FPGT: variants seen among roughly 807,000 people sequenced by gnomAD.
The protein encoded by FPGT is fucose-1-phosphate guanylyltransferase, also known as GDP-L-fucose diphosphorylase.
FPGT carries 41 observed loss-of-function variants against 45.8 expected under a neutral mutation model. The observed-to-expected ratio is 0.90, with a 90% CI of 0.70 to 1.16. The LOEUF is 1.16. Among genes scored for constraint, FPGT ranks in the 50% most tolerant of loss-of-function variants. The pLI is 0.00. For missense variants in FPGT, 755 were observed against 689.1 expected, an observed-to-expected ratio of 1.10 and a Z score of -1.07; for synonymous variants, 292 against 247.2, an observed-to-expected ratio of 1.18 and a Z score of -1.70.
intron 2 of FPGT, among the ~76,000 whole-genome samples, chr1:74,200,123 T>C (rs1005058702): frequency 6.6e-6 from 1 of 152,200 alleles, no homozygotes; most frequent in African/African-American, 2.4e-5. Flanking sequence ...ACCTTATCAG[T>C]AGAACCCTTG....
Position 74,201,316 on chromosome 1 carries a change from A to G in FPGT, c.251-2A>G, listed in dbSNP as rs768234709. Reference sequence around the variant, plus strand: ...TTGTGCTTTTTTAACTTTGTTTTTAAGGAAATGGAGGATCAACACTTTGTG... The same window carrying G: ...TTGTGCTTTTTTAACTTTGTTTTTAGGGAAATGGAGGATCAACACTTTGTG... On this transcript the variant is annotated splice_acceptor_variant, in intron 2 of 3. Coordinates refer to ENST00000370898, the MANE Select transcript of FPGT (RefSeq NM_003838.5). LOFTEE classifies it high-confidence loss of function. 1.2e-6 allele frequency: 2 copies of G among 1,605,768 alleles called. No individual in the cohort carries two copies. The highest frequency in any genetic ancestry group is 1.7e-5 in the Admixed American group (1 of 57,642).
Position 74,205,025 on chromosome 1 carries a change from A to G in FPGT, c.978A>G (p.Glu326=). The change falls in exon 4 of 4, where the codon GAA becomes GAG. Residue 326 remains glutamate (E), a synonymous_variant. Coordinates refer to ENST00000370898, the MANE Select transcript of FPGT (RefSeq NM_003838.5). ...YTRNTSNVIK[E]ESELVEMRQR... is the part of the protein sequence containing the mutation. ...GAAACACATCAAATGTCATTAAAGA[A>G]GAGTCAGAGTTGGTAGAAATGAGGC... 1 of 1,613,828 alleles carries G rather than the reference A, an allele frequency of 6.2e-7. No individual in the cohort carries two copies. Among genetic ancestry groups the G allele is most frequent in the Non-Finnish European group, 8.5e-7 (1 of 1,179,826 alleles).
rs926593519 is a variant in FPGT at position 74,208,150 on chromosome 1, G to C, written c.*2318G>C. 6.6e-6 allele frequency among the ~76,000 whole-genome samples: 1 copy of C among 151,722 alleles called. No homozygotes were observed. Among genetic ancestry groups the C allele is most frequent in the Non-Finnish European group, 1.5e-5 (1 of 67,888 alleles). ...ATTTGTAAGGCACATTCTGTTTTCT[G>C]GGGTGTCGAAATGTGGATAAAAAAA... On this transcript the variant is annotated 3_prime_UTR_variant, in exon 4 of 4. Coordinates refer to ENST00000370898, the MANE Select transcript of FPGT (RefSeq NM_003838.5).
chr1:74,204,827 T>G lies in FPGT; in HGVS notation c.780T>G (p.Asp260Glu). The change falls in exon 4 of 4, where the codon GAT becomes GAG. Residue 260 changes from aspartate (D) to glutamate (E), a missense_variant. By Grantham distance (45) the Asp-to-Glu change is conservative (BLOSUM62 2). Coordinates refer to ENST00000370898, the MANE Select transcript of FPGT (RefSeq NM_003838.5). ...QQDFAGGDIA[D>E]LKLDSDYVYT... ...ACTTTGCTGGGGGTGACATTGCCGA[T>G]CTTAAATTAGACTCTGACTATGTCT... is the stretch of plus-strand genomic sequence containing the variant. 1 of 1,613,700 alleles carries G rather than the reference T, an allele frequency of 6.2e-7. No homozygotes were observed. The highest frequency in any genetic ancestry group is 8.5e-7 in the Non-Finnish European group (1 of 1,179,982).
intron 2 of FPGT, 79 bp downstream of exon 2, chr1:74,199,910 G>A (rs1384017542): frequency 4.1e-6 from 6 of 1,477,746 alleles, no homozygotes; most frequent in Non-Finnish European, 5.5e-6. Context: ...GTGACTTACA[G>A]TGTATAAGCT....
chr1:74,205,540 T>G lies in FPGT; in HGVS notation c.1493T>G (p.Leu498Arg). 1 of 1,613,112 alleles carries G rather than the reference T, an allele frequency of 6.2e-7. No homozygotes were observed. The highest frequency in any genetic ancestry group is 1.7e-4 in the Middle Eastern group (1 of 6,060). Residue 498 changes from leucine to arginine, a missense_variant, in exon 4 of 4, where the codon CTG becomes CGG. Leu to Arg is a moderately radical substitution (Grantham distance 102). Coordinates refer to ENST00000370898, the MANE Select transcript of FPGT (RefSeq NM_003838.5). ...KLLQFFGVCF[L>R]SCLDVWNLKV... ...CTTCAATTCTTTGGAGTCTGTTTCCTGTCATGCTTAGATGTTTGGAATCTT... is the reference window on the plus strand; with the variant it reads ...CTTCAATTCTTTGGAGTCTGTTTCCGGTCATGCTTAGATGTTTGGAATCTT...
chr1:74,198,563 T>G, intron 1 of FPGT: 1 of 685,344 alleles, frequency 1.5e-6, no homozygotes, highest in Non-Finnish European at 2.4e-6. Context: ...GCTTACTTTA[T>G]TCTTAGTAGT....
In FPGT at chr1:74,208,289, A is replaced by T; in HGVS notation, c.*2457A>T. Among the ~76,000 whole-genome samples, 1 of 151,800 alleles carries T rather than the reference A, an allele frequency of 6.6e-6. No homozygotes were observed. ...ATCCCTGAATAATGCAGTGTACATG[A>T]TGATAGAGGAGAAGTGTGTTTTTGA... On this transcript the variant is annotated 3_prime_UTR_variant, in exon 4 of 4. Coordinates refer to ENST00000370898, the MANE Select transcript of FPGT (RefSeq NM_003838.5).
In FPGT at chr1:74,206,113, G is replaced by T. The variant is rs1652262778; in HGVS notation, c.*281G>T. The T allele has an allele frequency of 4.2e-6, 1 of 239,754 alleles. No individual in the cohort carries two copies. Among genetic ancestry groups the T allele is most frequent in the East Asian group, 8.8e-5 (1 of 11,356 alleles). 14.9% of individuals were successfully genotyped at this position (239,754 alleles called of 1,614,324 possible). A position where few individuals can be genotyped will look rare whatever the true frequency, so the allele number is the denominator to read the frequency against. On this transcript the variant is annotated 3_prime_UTR_variant, in exon 4 of 4. Coordinates refer to ENST00000370898, the MANE Select transcript of FPGT (RefSeq NM_003838.5). ...TTTTTTCACATAATTAGTTTTAAAG[G>T]TAATTTTCTAAGCATACCTTTGGAA...
Position 74,204,635 on chromosome 1 carries a change from T to G in FPGT, c.588T>G (p.Ser196Arg). 1 of 1,613,936 alleles carries G rather than the reference T, an allele frequency of 6.2e-7. No homozygotes were observed. The highest frequency in any genetic ancestry group is 8.5e-7 in the Non-Finnish European group (1 of 1,179,844). The stretch of plus-strand genomic sequence containing the variant: ...TTACTGCTTTAGCTCATCCTTCTAG[T>G]TTGACGATAGGTACCACACATGGAG... Reference protein sequence around the residue: ...PGFTALAHPSSLTIGTTHGVF... With the variant: ...PGFTALAHPSRLTIGTTHGVF... Residue 196 changes from serine to arginine, a missense_variant, in exon 4 of 4, where the codon AGT becomes AGG. Ser to Arg is a moderately radical substitution (Grantham distance 110). Coordinates refer to ENST00000370898, the MANE Select transcript of FPGT (RefSeq NM_003838.5).
rs755449906 is a variant in FPGT, at chr1:74,198,303, G to A, written c.25G>A (p.Glu9Lys). ...TATGGCAGCTGCTAGGGACCCTCCG[G>A]AAGTATCGCTGCGAGAAGCCACCCA... is the stretch of plus-strand genomic sequence containing the variant. MAAARDPP[E>K]VSLREATQRK... Residue 9 changes from glutamate (E) to lysine (K), a missense_variant, in exon 1 of 4, where the codon GAA becomes AAA. Coordinates refer to ENST00000370898, the MANE Select transcript of FPGT (RefSeq NM_003838.5). 9 of 1,614,164 alleles carry A rather than the reference G, an allele frequency of 5.6e-6. No individual in the cohort carries two copies. Among genetic ancestry groups the A allele is most frequent in the South Asian group, 5.5e-5 (5 of 91,088 alleles).
In FPGT at chr1:74,205,304, G is replaced by A. The variant is rs777165112; in HGVS notation, c.1257G>A (p.Val419=). Residue 419 remains valine, a synonymous_variant, in exon 4 of 4, where the codon GTG becomes GTA. Transcript: ENST00000370898. ...GTTCTGTGGCACCTGGCTCAGTTGT[G>A]GAGTATTCCAGATTGGGGCCTGATG... ...SRCSVAPGSV[V]EYSRLGPDVS... 4.3e-6 allele frequency: 7 copies of A among 1,613,962 alleles called. No homozygotes were observed. The highest frequency in any genetic ancestry group is 1.1e-5 in the South Asian group (1 of 91,080).
At chr1:74,203,162 G>T (rs1364707810) in intron 3 of FPGT, among the ~76,000 whole-genome samples, 1 of 152,018 alleles carries the variant, frequency 6.6e-6, no homozygotes, top group Non-Finnish European at 1.5e-5. Context: ...TAGTAAACTG[G>T]CAGCACAGCA....
chr1:74,205,537 T>A lies in FPGT; in HGVS notation c.1490T>A (p.Phe497Tyr). The A allele has an allele frequency of 6.2e-7, 1 of 1,613,222 alleles. No individual in the cohort carries two copies. Among genetic ancestry groups the A allele is most frequent in the Non-Finnish European group, 8.5e-7 (1 of 1,179,176 alleles). The change falls in exon 4 of 4, where the codon TTC (phenylalanine) becomes TAC (tyrosine). Residue 497 changes from phenylalanine (F) to tyrosine (Y), a missense_variant. By Grantham distance (22) the Phe-to-Tyr change is conservative. Transcript: ENST00000370898. The part of the protein sequence containing the change: ...IKLLQFFGVC[F>Y]LSCLDVWNLK... ...TTACTTCAATTCTTTGGAGTCTGTT[T>A]CCTGTCATGCTTAGATGTTTGGAAT...
chr1:74,204,950 T>C lies in FPGT; in HGVS notation c.903T>C (p.Tyr301=). The change falls in exon 4 of 4, where the codon TAT becomes TAC. Residue 301 remains tyrosine, a synonymous_variant. Transcript: ENST00000370898. ...CACTGAGCTGTGAAATAGATGCCTATGGTGACTTTCTGCAGGCTTTGGGAC... is the reference window on the plus strand; with the variant it reads ...CACTGAGCTGTGAAATAGATGCCTACGGTGACTTTCTGCAGGCTTTGGGAC... The part of the protein sequence containing the change: ...IGTLSCEIDA[Y]GDFLQALGPG... 1 of 1,614,112 alleles carries C rather than the reference T, an allele frequency of 6.2e-7. No individual in the cohort carries two copies. The highest frequency in any genetic ancestry group is 8.5e-7 in the Non-Finnish European group (1 of 1,180,006).
Position 74,205,073 on chromosome 1 carries a change from A to G in FPGT, c.1026A>G (p.Lys342=). 2 of 1,613,574 alleles carry G rather than the reference A, an allele frequency of 1.2e-6. No homozygotes were observed. Among genetic ancestry groups the G allele is most frequent in the South Asian group, 1.1e-5 (1 of 91,076 alleles). Reference sequence around the variant, plus strand: ...GGCAGAGAATATTTCATCTTCTTAAAGGAACATCACTAAATGTTGTTGTTC... The same window carrying G: ...GGCAGAGAATATTTCATCTTCTTAAGGGAACATCACTAAATGTTGTTGTTC... The part of the protein sequence containing the change: ...EMRQRIFHLL[K]GTSLNVVVLN... The change falls in exon 4 of 4, where the codon AAA becomes AAG. Residue 342 remains lysine (K), a synonymous_variant. Transcript: ENST00000370898.
In FPGT at chr1:74,201,416, GT is replaced by G; in HGVS notation, c.343+8del. Reference sequence around the variant, plus strand: ...CATCTTATTAATTCACTCTGGTAATGTTATACTTTACTAATTTACATTTTCT... The same window carrying G: ...CATCTTATTAATTCACTCTGGTAATGTATACTTTACTAATTTACATTTTCT... On this transcript the variant is annotated splice_region_variant and intron_variant, in intron 3 of 3. Coordinates refer to ENST00000370898, the MANE Select transcript of FPGT (RefSeq NM_003838.5). 1.3e-6 allele frequency: 2 copies of G among 1,560,124 alleles called. No individual in the cohort carries two copies. The highest frequency in any genetic ancestry group is 1.7e-6 in the Non-Finnish European group (2 of 1,145,768).
chr1:74,200,162 G>A (rs545126197), intron 2 of FPGT, among the ~76,000 whole-genome samples: 25 of 152,222 alleles, frequency 1.6e-4, no homozygotes, highest in Middle Eastern at 3.4e-3. Context: ...AGTTCCTCCA[G>A]CAATTTACAT....
chr1:74,208,474 T>C lies in FPGT; in HGVS notation c.*2642T>C, dbSNP rs1652458235. Among the ~76,000 whole-genome samples, 1 of 152,088 alleles carries C rather than the reference T, an allele frequency of 6.6e-6. No homozygotes were observed. The highest frequency in any genetic ancestry group is 2.4e-5 in the African/African-American group (1 of 41,436). Reference sequence around the variant, plus strand: ...ATTTTGTCTCATTTTATAATTTTTATTTTTATGAAATCATGGCACTTACAT... The same window carrying C: ...ATTTTGTCTCATTTTATAATTTTTACTTTTATGAAATCATGGCACTTACAT... On this transcript the variant is annotated 3_prime_UTR_variant, in exon 4 of 4. Transcript: ENST00000370898.
Sources: gnomAD v4.1 joint callset for allele counts (sites outside exome capture counted in the v4.1 genomes callset) on GRCh38, gnomAD v4.1.1 for gene constraint, MANE v1.5 for transcripts, NCBI Gene and HGNC (gene_info 2026-07-23, HGNC 2026-07-21) for gene names.